Variants in MAP7 observed in about 807,000 individuals in gnomAD.
MAP7 encodes microtubule associated protein 7, also known as ensconsin.
In MAP7, 52 loss-of-function variants were observed where a neutral mutation model predicts 94.8. The ratio of observed to expected loss-of-function variants is 0.55; its 90% CI spans 0.44 to 0.69. The LOEUF (loss-of-function observed/expected upper bound fraction) is 0.69. MAP7 is among the 30% of genes least tolerant of loss of function. MAP7 has a pLI of 0.00. For synonymous variants in MAP7, 350 were observed against 357.0 expected, an observed-to-expected ratio of 0.98 and a Z score of 0.22; for missense variants, 940 against 964.6, an observed-to-expected ratio of 0.97 and a Z score of 0.34.
chr6:136,417,845 A>G (rs1381733302), intron 2 of MAP7, among the ~76,000 whole-genome samples: 1 of 152,192 alleles, frequency 6.6e-6, no homozygotes, highest in Non-Finnish European at 1.5e-5. Flanking sequence ...AATTACTTAT[A>G]AACAGTAAGG....
At chr6:136,395,827 G>A (rs534040121) in intron 3 of MAP7, among the ~76,000 whole-genome samples, 9 of 152,138 alleles carry the variant, frequency 5.9e-5, no homozygotes, top group African/African-American at 9.6e-5. Context: ...TTTCCCCACC[G>A]AATGTTCTTG....
intron 1 of MAP7, among the ~76,000 whole-genome samples, chr6:136,472,248 G>A (rs1488547003): frequency 1.3e-5 from 2 of 152,162 alleles, no homozygotes; most frequent in Non-Finnish European, 2.9e-5. Context: ...TAATTACAAT[G>A]TATTTCAGAG....
intron 5 of MAP7, among the ~76,000 whole-genome samples, chr6:136,385,623 G>A (rs544716802): frequency 1.3e-5 from 2 of 152,300 alleles, no homozygotes; most frequent in Admixed American, 1.3e-4. Context: ...AGTATCATTA[G>A]TAGTAAAGCA....
chr6:136,344,100 CTT>C lies in MAP7; in HGVS notation c.*126_*127del, dbSNP rs1464671680. On this transcript the variant is annotated 3_prime_UTR_variant, in exon 18 of 18. Coordinates refer to ENST00000354570, the MANE Select transcript of MAP7 (RefSeq NM_003980.6). Reference sequence around the variant, plus strand: ...TTGTCTTTAGCTAGTTTTAATAAATCTTTTCAAAATGATGGTCAAGAACTCTA... The same window carrying C: ...TTGTCTTTAGCTAGTTTTAATAAATCTTCAAAATGATGGTCAAGAACTCTA... The C allele has an allele frequency of 4.9e-6, 2 of 410,552 alleles. No homozygotes were observed. Among genetic ancestry groups the C allele is most frequent in the African/African-American group, 4.1e-5 (2 of 48,434 alleles). 25.4% of individuals were successfully genotyped at this position (410,552 alleles called of 1,614,324 possible).
At chr6:136,545,348 T>C (rs1323072961) in intron 1 of MAP7, 2 of 151,724 alleles carry the variant, frequency 1.3e-5, no homozygotes, top group African/African-American at 4.8e-5. Context: ...TGGAAGAGAA[T>C]GACTTTCCCA....
At chr6:136,478,097 A>G (rs1185401819) in intron 1 of MAP7, among the ~76,000 whole-genome samples, 2 of 152,212 alleles carry the variant, frequency 1.3e-5, no homozygotes, top group Non-Finnish European at 2.9e-5. Context: ...GTAACAAATG[A>G]AAATGCAAAC....
intron 3 of MAP7, among the ~76,000 whole-genome samples, chr6:136,405,116 C>A (rs1218271972): frequency 6.6e-6 from 1 of 152,136 alleles, no homozygotes; most frequent in Non-Finnish European, 1.5e-5. Context: ...ATATGCAATA[C>A]CTCCTGCATT....
At chr6:136,402,905 C>CAAAAAAAAAAAAAAAAAA (rs57114676) in intron 3 of MAP7, among the ~76,000 whole-genome samples, 27 of 67,394 alleles carry the variant, frequency 4.0e-4, no homozygotes, top group East Asian at 1.1e-3. Context: ...GACTCTGTCT[C>CAAAAAAAAAAAAAAAAAA]AAAAAAAAAA....
chr6:136,430,355 T>C (rs768620984), intron 1 of MAP7, among the ~76,000 whole-genome samples: 1 of 152,176 alleles, frequency 6.6e-6, no homozygotes. Flanking sequence ...TAGAAAAGCT[T>C]TCATACTTAC....
In MAP7 at chr6:136,441,192, T is replaced by C. The variant is rs145904002; in HGVS notation, c.68-19393A>G. On this transcript the variant is annotated intron_variant, in intron 1 of 17. Coordinates refer to ENST00000354570, the MANE Select transcript of MAP7 (RefSeq NM_003980.6). ...CTCTTCCGCATGCTGATTTCATTTC[T>C]GGCAGATATATACCCAGCAGCATAA... is the stretch of plus-strand genomic sequence containing the variant. Among the ~76,000 whole-genome samples the C allele has an allele frequency of 1.7e-3, 259 of 152,366 alleles. 2 individuals carry two copies. Among genetic ancestry groups the C allele is most frequent in the African/African-American group, 6.1e-3 (252 of 41,592 alleles).
intron 10 of MAP7, 134 bp from the exon 11 acceptor site, chr6:136,362,836 T>A: frequency 7.3e-7 from 1 of 1,366,032 alleles, no homozygotes. Context: ...TACTGTGTGT[T>A]CTCACGGTTT....
chr6:136,513,003 T>G (rs1037977321), intron 1 of MAP7, among the ~76,000 whole-genome samples: 1 of 152,020 alleles, frequency 6.6e-6, no homozygotes, highest in Non-Finnish European at 1.5e-5. Flanking sequence ...AGCTAGGTTT[T>G]GTTTTGTTTT....
intron 1 of MAP7, among the ~76,000 whole-genome samples, chr6:136,539,787 T>C (rs1829163452): frequency 6.6e-6 from 1 of 152,180 alleles, no homozygotes; most frequent in Non-Finnish European, 1.5e-5. Context: ...GAAACCCGCC[T>C]GGGCAACATA....
rs765073963 is a variant in MAP7, at chr6:136,377,831, A to C, written c.675T>G (p.Val225=). The C allele has an allele frequency of 1.2e-6, 2 of 1,614,100 alleles. No homozygotes were observed. Among genetic ancestry groups the C allele is most frequent in the African/African-American group, 1.3e-5 (1 of 75,052 alleles). Residue 225 remains valine (V), a synonymous_variant, in exon 7 of 18, where the codon GTT becomes GTG. Coordinates refer to ENST00000354570, the MANE Select transcript of MAP7 (RefSeq NM_003980.6). The part of the protein sequence containing the change: ...RLQLSPWESS[V]VNRLLTPTHS... ...GTGTGGGCGTCAGGAGTCTGTTAAC[A>C]ACGCTGCTCTCCCATGGGCTGAGCT...
intron 1 of MAP7, among the ~76,000 whole-genome samples, chr6:136,477,002 A>C (rs1283889460): frequency 2.0e-5 from 3 of 152,240 alleles, no homozygotes; most frequent in African/African-American, 7.2e-5. Flanking sequence ...CCAGGCAAGA[A>C]TCACTGAGGC....
rs546210237 is a variant in MAP7 at position 136,504,384 on chromosome 6, T to C, written c.67+45958A>G. On this transcript the variant is annotated intron_variant, in intron 1 of 17. Coordinates refer to ENST00000354570, the MANE Select transcript of MAP7 (RefSeq NM_003980.6). ...TTTGGGGGGGAACAGAGCCTCACTCTGTCACCCAGGCTGGAGTGCAGTGGT... is the reference window on the plus strand; with the variant it reads ...TTTGGGGGGGAACAGAGCCTCACTCCGTCACCCAGGCTGGAGTGCAGTGGT... Among the ~76,000 whole-genome samples the C allele has an allele frequency of 3.6e-4, 54 of 152,072 alleles. 1 individual carries two copies. The highest frequency in any genetic ancestry group is 1.2e-3 in the African/African-American group (51 of 41,520).
intron 1 of MAP7, among the ~76,000 whole-genome samples, chr6:136,460,922 T>C (rs929427656): frequency 6.6e-6 from 1 of 152,142 alleles, no homozygotes; most frequent in Non-Finnish European, 1.5e-5. Flanking sequence ...TGTCCTAAGG[T>C]ATATGGACCT....
chr6:136,488,076 T>A (rs1218516861), intron 1 of MAP7, among the ~76,000 whole-genome samples: 2 of 152,240 alleles, frequency 1.3e-5, no homozygotes, highest in African/African-American at 4.8e-5. Context: ...CAAATTTCTA[T>A]GACGATTTTC....
At chr6:136,368,142 AG>A (rs1562320496) in intron 8 of MAP7, among the ~76,000 whole-genome samples, 1 of 152,118 alleles carries the variant, frequency 6.6e-6, no homozygotes, top group Non-Finnish European at 1.5e-5. Flanking sequence ...GTAGGTGAGC[AG>A]AGGAGGAATG....
Sources: allele counts gnomAD v4.1 joint callset (sites outside exome capture counted in the v4.1 genomes callset), GRCh38; gene constraint gnomAD v4.1.1; transcripts MANE v1.5; gene names NCBI Gene and HGNC (gene_info 2026-07-23, HGNC 2026-07-21).